Variants in COL5A3 observed in about 807,000 individuals in gnomAD.
COL5A3 encodes collagen alpha-3(V) chain.
COL5A3 carries 172 observed loss-of-function variants against 250.0 expected under a neutral mutation model. The ratio of observed to expected loss-of-function variants is 0.69; its 90% CI spans 0.61 to 0.78. COL5A3 has a LOEUF of 0.78. Ranked by LOEUF, COL5A3 falls within the 30% of genes least tolerant of loss-of-function variation. The probability of loss-of-function intolerance (pLI) is 0.00; values close to 1 mark genes in which losing one functional copy is unlikely to be tolerated. For missense variants in COL5A3, 2,340 were observed against 2,334.4 expected (o/e 1.00, Z -0.05); for synonymous variants, 937 against 900.4 (o/e 1.04, Z -0.73).
chr19:9,968,756 G>T lies in COL5A3; in HGVS notation c.4153-28C>A. 11 of 1,600,064 alleles carry T rather than the reference G, an allele frequency of 6.9e-6. No individual in the cohort carries two copies. Among genetic ancestry groups the T allele is most frequent in the Non-Finnish European group, 9.4e-6 (11 of 1,172,978 alleles). The stretch of plus-strand genomic sequence containing the variant: ...GGGAGAAGAGCAAGGGTCAGTTAGG[G>T]ATTCTCAAATGTGAACTCGAGGTCT... On this transcript the variant is annotated intron_variant, in intron 57 of 66. Coordinates refer to ENST00000264828, the MANE Select transcript of COL5A3 (RefSeq NM_015719.4). This position sits in a 1 kb window ranked among gnomAD's most constrained non-coding sequence, Gnocchi z 4.1.
rs537487478 is a variant in COL5A3, at chr19:9,972,565, C to T, written c.3774+354G>A. 6.6e-5 allele frequency among the ~76,000 whole-genome samples: 10 copies of T among 152,294 alleles called. No individual in the cohort carries two copies. In the South Asian group the frequency reaches 1.0e-3, roughly 16 times the overall value. ...AGTCTGGGAGAGTTTTGGCCGAGCG[C>T]GGTGGCTCATGCCTGTAATCCCAGC... is the stretch of plus-strand genomic sequence containing the variant. On this transcript the variant is annotated intron_variant, in intron 51 of 66. Coordinates refer to ENST00000264828, the MANE Select transcript of COL5A3 (RefSeq NM_015719.4).
chr19:9,968,541 G>A lies in COL5A3; in HGVS notation c.4207-49C>T, dbSNP rs2086787155. Reference sequence around the variant, plus strand: ...CAGGGGAGGACGTGGGAGGATTCAGGGAGGTTTTTCTCCTAGAGCCTTAGG... The same window carrying A: ...CAGGGGAGGACGTGGGAGGATTCAGAGAGGTTTTTCTCCTAGAGCCTTAGG... On this transcript the variant is annotated intron_variant, in intron 58 of 66. Transcript: ENST00000264828. The surrounding 1 kb of genome is among the most constrained non-coding windows in gnomAD (Gnocchi z 4.1). 1.3e-6 allele frequency: 2 copies of A among 1,574,688 alleles called. No individual in the cohort carries two copies. The highest frequency in any genetic ancestry group is 1.7e-6 in the Non-Finnish European group (2 of 1,160,554).
chr19:9,973,937 T>A lies in COL5A3; in HGVS notation c.3540A>T (p.Gln1180His). 6.4e-7 allele frequency: 1 copy of A among 1,556,368 alleles called. No homozygotes were observed. Among genetic ancestry groups the A allele is most frequent in the Non-Finnish European group, 8.7e-7 (1 of 1,150,448 alleles). The change falls in exon 48 of 67, where the codon CAA becomes CAT. Residue 1180 changes from glutamine to histidine, a missense_variant. Transcript: ENST00000264828. ...PHGAPGPRGPQGPTGSEGTPG... is the reference protein window; with the variant it reads ...PHGAPGPRGPHGPTGSEGTPG... ...TTCTCACCTCTGATCCAGTGGGGCC[T>A]TGGGGACCCCGAGGACCTGGAGCTC...
intron 37 of COL5A3, 98 bp from the exon 38 acceptor site, chr19:9,979,515 T>G: frequency 7.5e-7 from 1 of 1,326,934 alleles, no homozygotes; most frequent in Non-Finnish European, 1.1e-6. Context: ...ATCTGGCCGG[T>G]CCGGTGGCTC....
At chr19:9,974,523 A>C (rs764273140) in intron 45 of COL5A3, 115 bp from the exon 46 acceptor site, 86 of 715,816 alleles carry the variant, frequency 1.2e-4, no homozygotes, top group Non-Finnish European at 1.6e-4. Flanking sequence ...GATTAAGTTT[A>C]GAGAGGGTCA....
intron 35 of COL5A3, among the ~76,000 whole-genome samples, chr19:9,980,295 C>T (rs1256601649): frequency 6.6e-6 from 1 of 152,210 alleles, no homozygotes; most frequent in Non-Finnish European, 1.5e-5. Flanking sequence ...TGCCCAAGGT[C>T]ACACAGTAGG....
At position 9,986,288 on chromosome 19, in the gene COL5A3, G is replaced by A. The variant is rs759037504; in HGVS notation, c.2352+27C>T. The A allele has an allele frequency of 7.8e-6, 11 of 1,415,018 alleles. No individual in the cohort carries two copies. In the South Asian group the frequency reaches 1.2e-4, roughly 15 times the overall value. 87.7% of individuals were successfully genotyped at this position (1,415,018 alleles called of 1,614,324 possible). A position where few individuals can be genotyped will look rare whatever the true frequency, so the allele number is the denominator to read the frequency against. ...AAGATTGGGGACACCTTGACTGTGG[G>A]AGGCTAGAGGGTGGAGAGTCATTTA... On this transcript the variant is annotated intron_variant, in intron 30 of 66. Coordinates refer to ENST00000264828, the MANE Select transcript of COL5A3 (RefSeq NM_015719.4).
In COL5A3 at chr19:9,981,145, T is replaced by A. The variant is rs1419111010; in HGVS notation, c.2461-13A>T. The A allele has an allele frequency of 1.2e-6, 2 of 1,613,582 alleles. No individual in the cohort carries two copies. Among genetic ancestry groups the A allele is most frequent in the Admixed American group, 1.7e-5 (1 of 59,994 alleles). On this transcript the variant is annotated splice_polypyrimidine_tract_variant and intron_variant, in intron 32 of 66. Coordinates refer to ENST00000264828, the MANE Select transcript of COL5A3 (RefSeq NM_015719.4). Reference sequence around the variant, plus strand: ...GCCCTGTCTTTCCCTGAAAATGAATTGTAAGAGAGAAAGCAGAAGAGAGTT... The same window carrying A: ...GCCCTGTCTTTCCCTGAAAATGAATAGTAAGAGAGAAAGCAGAAGAGAGTT...
rs1057233599 is a variant in COL5A3, at chr19:9,960,860, C to T, written c.4882G>A (p.Val1628Met). 2.5e-6 allele frequency: 4 copies of T among 1,609,830 alleles called. No individual in the cohort carries two copies. Among genetic ancestry groups the T allele is most frequent in the African/African-American group, 1.3e-5 (1 of 74,922 alleles). Reference protein sequence around the residue: ...FSYVDADGSPVNVVQLNFLKL... With the variant: ...FSYVDADGSPMNVVQLNFLKL... ...AGGAAGTTCAGCTGCACGACATTCA[C>T]TGGGGACCCGTCGGCGTCCACGTAG... is the stretch of plus-strand genomic sequence containing the variant. Residue 1628 changes from valine to methionine, a missense_variant, in exon 66 of 67, where the codon GTG becomes ATG. This residue lies in a region of COL5A3 where 1,179 missense variants were observed against 1,162.6 expected (regional missense o/e 1.01). Coordinates refer to ENST00000264828, the MANE Select transcript of COL5A3 (RefSeq NM_015719.4).
chr19:9,976,751 A>G, intron 44 of COL5A3, 140 bp from the exon 45 acceptor site: 1 of 669,680 alleles, frequency 1.5e-6, no homozygotes, highest in Non-Finnish European at 2.5e-6. Context: ...CATCCCCCCA[A>G]ATCCTGTCTT....
chr19:9,978,665 AAGGTGTCCCC>A (rs777179435), intron 40 of COL5A3, 38 bp from the exon 41 acceptor site: 1 of 1,416,542 alleles, frequency 7.1e-7, no homozygotes. Context: ...GAGACTCCCA[AAGGTGTCCCC>A]AGGTCCTGTC....
At position 9,973,746 on chromosome 19, in the gene COL5A3, C is replaced by T. The variant is rs2287812; in HGVS notation, c.3612+10G>A. 0.21 allele frequency: 334,537 copies of T among 1,613,592 alleles called. 36,555 individuals carry two copies. Among genetic ancestry groups the T allele is most frequent in the Non-Finnish European group, 0.22 (263,826 of 1,179,688 alleles). On this transcript the variant is annotated intron_variant, in intron 49 of 66. Coordinates refer to ENST00000264828, the MANE Select transcript of COL5A3 (RefSeq NM_015719.4). ...TTCCCCCCGTGCAGCCCCTGCCTTCCCTCACTCACCTTCTCACCCACGGCG... is the reference window on the plus strand; with the variant it reads ...TTCCCCCCGTGCAGCCCCTGCCTTCTCTCACTCACCTTCTCACCCACGGCG...
In COL5A3 at chr19:9,986,743, G is replaced by C; in HGVS notation, c.2161C>G (p.Arg721Gly). Reference protein sequence around the residue: ...PRGVKGTSGNRGLQGEKGEKG... With the variant: ...PRGVKGTSGNGGLQGEKGEKG... ...TCGCCTTTCTCCCCCTGGAGGCCCCGGTTGCCTGAAGTGCCCTGGAAAATA... is the reference window on the plus strand; with the variant it reads ...TCGCCTTTCTCCCCCTGGAGGCCCCCGTTGCCTGAAGTGCCCTGGAAAATA... Residue 721 changes from arginine (R) to glycine (G), a missense_variant, in exon 28 of 67, where the codon CGG becomes GGG. By Grantham distance (125) the Arg-to-Gly change is moderately radical (BLOSUM62 -2). This residue lies in a region of COL5A3 where 1,152 missense variants were observed against 1,146.3 expected (regional missense o/e 1.00). Coordinates refer to ENST00000264828, the MANE Select transcript of COL5A3 (RefSeq NM_015719.4). The C allele has an allele frequency of 6.2e-7, 1 of 1,610,812 alleles. No homozygotes were observed. Among genetic ancestry groups the C allele is most frequent in the East Asian group, 2.2e-5 (1 of 44,732 alleles).
chr19:10,004,637 A>G (rs1348885356), intron 4 of COL5A3, among the ~76,000 whole-genome samples: 1 of 152,150 alleles, frequency 6.6e-6, no homozygotes, highest in Non-Finnish European at 1.5e-5. Context: ...GGCCAAGACC[A>G]TAAATTGTGA....
chr19:9,996,379 G>A (rs1342277589), intron 13 of COL5A3, 54 bp downstream of exon 13: 12 of 1,592,836 alleles, frequency 7.5e-6, no homozygotes, highest in African/African-American at 6.7e-5. Context: ...TCCTTACGCC[G>A]AGGCTCTATC....
chr19:9,979,023 A>C, intron 39 of COL5A3, 43 bp from the exon 40 acceptor site: 1 of 1,484,540 alleles, frequency 6.7e-7, no homozygotes, highest in Non-Finnish European at 9.1e-7. Context: ...CAGGGAGGGG[A>C]TGTCTCCCTC....
chr19:10,010,451 G>C lies in COL5A3; in HGVS notation c.-66C>G. The C allele has an allele frequency of 1.8e-6, 2 of 1,113,542 alleles. No individual in the cohort carries two copies. The highest frequency in any genetic ancestry group is 2.4e-6 in the Non-Finnish European group (2 of 844,100). The allele number at this position is 1,113,542 out of a possible 1,614,324, so 69.0% of individuals were successfully genotyped here. A position where few individuals can be genotyped will look rare whatever the true frequency, so the allele number is the denominator to read the frequency against. ...CGGCTGCGGGGCGCGGCGACTTCTC[G>C]GGCTCGGTGCAGTCACTCGCGGCGG... On this transcript the variant is annotated 5_prime_UTR_variant, in exon 1 of 67. Coordinates refer to ENST00000264828, the MANE Select transcript of COL5A3 (RefSeq NM_015719.4).
chr19:10,008,471 T>A lies in COL5A3; in HGVS notation c.88+1827A>T, dbSNP rs3786700. On this transcript the variant is annotated intron_variant, in intron 1 of 66. Coordinates refer to ENST00000264828, the MANE Select transcript of COL5A3 (RefSeq NM_015719.4). ...GGGGGGGTCTGTCAGGGGCCCAGCC[T>A]GCCCCCTGCCACTCTCCCCTGTGCT... is the stretch of plus-strand genomic sequence containing the variant. Among the ~76,000 whole-genome samples the A allele has an allele frequency of 0.017, 2,652 of 151,882 alleles. 165 individuals are homozygous for A. The East Asian group carries it at 0.23, about 13-fold the overall frequency.
At chr19:10,004,207 C>T in intron 4 of COL5A3, 62 bp from the exon 5 acceptor site, 3 of 1,252,096 alleles carry the variant, frequency 2.4e-6, no homozygotes, top group African/African-American at 1.5e-5. Flanking sequence ...TTACTCTGAC[C>T]CCCTAACCCC....
Sources: allele counts gnomAD v4.1 joint callset (sites outside exome capture counted in the v4.1 genomes callset), GRCh38; gene constraint gnomAD v4.1.1; regional missense constraint gnomAD v4.1.1; non-coding constraint Gnocchi (gnomAD v3.1); transcripts MANE v1.5; gene names NCBI Gene and HGNC (gene_info 2026-07-23, HGNC 2026-07-21).